Variants in SFSWAP observed in about 807,000 individuals in gnomAD.
SFSWAP encodes splicing factor, suppressor of white-apricot homolog.
SFSWAP carries 17 observed loss-of-function variants against 100.7 expected under a neutral mutation model. The ratio of observed to expected loss-of-function variants is 0.17; its 90% CI spans 0.12 to 0.25. The LOEUF is 0.25. SFSWAP is among the 10% of genes least tolerant of loss of function. The pLI, the probability that SFSWAP is intolerant of heterozygous loss-of-function variation, is 1.00. For synonymous variants in SFSWAP, 504 were observed against 510.1 expected (o/e 0.99, Z 0.16); for missense variants, 1,005 against 1,262.6 (o/e 0.80, Z 3.09).
intron 1 of SFSWAP, chr12:131,713,154 T>C (rs1213853470): frequency 2.6e-5 from 4 of 152,248 alleles, no homozygotes; most frequent in African/African-American, 4.8e-5. Context: ...TTTGTTTCTC[T>C]ACATTTGTTT....
At chr12:131,771,854 G>A (rs1473284631) in intron 13 of SFSWAP, among the ~76,000 whole-genome samples, 1 of 151,918 alleles carries the variant, frequency 6.6e-6, no homozygotes, top group African/African-American at 2.4e-5. Context: ...GTAGAGACAG[G>A]GTTTCACCAT....
chr12:131,726,923 T>G lies in SFSWAP; in HGVS notation c.833-17T>G. On this transcript the variant is annotated splice_polypyrimidine_tract_variant and intron_variant, in intron 5 of 17. Coordinates refer to ENST00000261674, the MANE Select transcript of SFSWAP (RefSeq NM_004592.4). The stretch of plus-strand genomic sequence containing the variant: ...CTCACCAAACACCAAAATCTTGAAA[T>G]GTGATTTTGATTTCAGAATCAGGAG... 2 of 1,450,090 alleles carry G rather than the reference T, an allele frequency of 1.4e-6. No homozygotes were observed. The highest frequency in any genetic ancestry group is 1.9e-6 in the Non-Finnish European group (2 of 1,039,134). The allele number at this position is 1,450,090 out of a possible 1,614,324, so 89.8% of individuals were successfully genotyped here.
At chr12:131,722,728 G>T (rs910009545) in intron 4 of SFSWAP, among the ~76,000 whole-genome samples, 2 of 149,806 alleles carry the variant, frequency 1.3e-5, no homozygotes, top group Non-Finnish European at 3.0e-5. Flanking sequence ...TGGGAGAATC[G>T]CTTGAGCCCA....
At position 131,714,518 on chromosome 12, in the gene SFSWAP, A is replaced by G. The variant is rs1268571490; in HGVS notation, c.388+278A>G. 1 of 485,228 alleles carries G rather than the reference A, an allele frequency of 2.1e-6. No homozygotes were observed. Among genetic ancestry groups the G allele is most frequent in the African/African-American group, 1.9e-5 (1 of 51,912 alleles). 30.1% of individuals were successfully genotyped at this position (485,228 alleles called of 1,614,324 possible). A position where few individuals can be genotyped will look rare whatever the true frequency, so the allele number is the denominator to read the frequency against. Reference sequence around the variant, plus strand: ...CTGTTCTTCTTTAACAGTATCGTATAAATAAAATTGATGTTCTTGTCTTTG... The same window carrying G: ...CTGTTCTTCTTTAACAGTATCGTATGAATAAAATTGATGTTCTTGTCTTTG... On this transcript the variant is annotated intron_variant, in intron 2 of 17. Coordinates refer to ENST00000261674, the MANE Select transcript of SFSWAP (RefSeq NM_004592.4). This position sits in a 1 kb window ranked among gnomAD's most constrained non-coding sequence, Gnocchi z 6.0.
At chr12:131,789,224 TGCCTATCTCA>T (rs1483063889) in intron 15 of SFSWAP, among the ~76,000 whole-genome samples, 9 of 152,158 alleles carry the variant, frequency 5.9e-5, no homozygotes, top group African/African-American at 1.9e-4. Context: ...TCAAGCAGTC[TGCCTATCTCA>T]GCCTCCCAAA....
chr12:131,763,411 T>C (rs1469326583), intron 11 of SFSWAP, among the ~76,000 whole-genome samples: 3 of 152,220 alleles, frequency 2.0e-5, no homozygotes, highest in Non-Finnish European at 4.4e-5. Flanking sequence ...TACTGTATCT[T>C]ATTGCAACCA....
chr12:131,743,477 C>G (rs1269857563), intron 7 of SFSWAP, among the ~76,000 whole-genome samples: 3 of 152,202 alleles, frequency 2.0e-5, no homozygotes, highest in Non-Finnish European at 4.4e-5. Flanking sequence ...TCATAAAGCT[C>G]CAAAATGACC....
intron 7 of SFSWAP, among the ~76,000 whole-genome samples, chr12:131,741,139 T>G (rs1880588867): frequency 6.6e-6 from 1 of 151,780 alleles, no homozygotes; most frequent in African/African-American, 2.4e-5. Flanking sequence ...GCTTGGCTAA[T>G]TTTTGTATTT....
chr12:131,756,726 C>A, intron 11 of SFSWAP, 82 bp downstream of exon 11: 2 of 1,266,858 alleles, frequency 1.6e-6, no homozygotes, highest in Non-Finnish European at 2.1e-6. Context: ...TCAGACTCAG[C>A]GCCCTCACCT....
At chr12:131,766,478 G>C (rs1178824867) in intron 13 of SFSWAP, among the ~76,000 whole-genome samples, 170 bp downstream of exon 13, 5 of 152,186 alleles carry the variant, frequency 3.3e-5, no homozygotes, top group African/African-American at 7.2e-5. Context: ...GTGAATCTAA[G>C]AGTTTGCCAG....
At chr12:131,779,027 G>A (rs1363041209) in intron 14 of SFSWAP, among the ~76,000 whole-genome samples, 2 of 151,140 alleles carry the variant, frequency 1.3e-5, no homozygotes, top group Admixed American at 1.3e-4. Context: ...CAAGACAGGA[G>A]AACTCTTTAG....
chr12:131,719,369 C>A, intron 3 of SFSWAP, 85 bp from the exon 4 acceptor site: 1 of 924,480 alleles, frequency 1.1e-6, no homozygotes, highest in South Asian at 1.4e-5. Context: ...GACAGCCAGT[C>A]ACATGCTTCC....
At chr12:131,721,368 G>A (rs1009629510) in intron 4 of SFSWAP, among the ~76,000 whole-genome samples, 1 of 152,080 alleles carries the variant, frequency 6.6e-6, no homozygotes, top group Admixed American at 6.5e-5. Context: ...ATTACCCAAA[G>A]ATTTGATATC....
intron 14 of SFSWAP, among the ~76,000 whole-genome samples, chr12:131,779,452 T>C (rs1271067992): frequency 2.0e-5 from 3 of 151,964 alleles, no homozygotes; most frequent in Non-Finnish European, 4.4e-5. Flanking sequence ...CATTTAAGAG[T>C]CACAGAATTT....
chr12:131,754,502 C>G lies in SFSWAP; in HGVS notation c.1454+3C>G. The G allele has an allele frequency of 1.3e-6, 2 of 1,560,876 alleles. No homozygotes were observed. The highest frequency in any genetic ancestry group is 1.7e-6 in the Non-Finnish European group (2 of 1,154,464). ...GTTCGTGCCAAGAATGATCAAAGGT[C>G]AGAAGAAGAATTTTATATGTTAGGT... is the stretch of plus-strand genomic sequence containing the variant. On this transcript the variant is annotated splice_donor_region_variant and intron_variant, in intron 9 of 17. Transcript: ENST00000261674.
At chr12:131,715,142 G>A (rs1454553888) in intron 3 of SFSWAP, among the ~76,000 whole-genome samples, 189 bp downstream of exon 3, 1 of 152,216 alleles carries the variant, frequency 6.6e-6, no homozygotes, top group African/African-American at 2.4e-5. Flanking sequence ...GATTAATGGA[G>A]GTGGAAAGTG....
rs1877380902 is a variant in SFSWAP at position 131,711,817 on chromosome 12, G to A, written c.218+370G>A. 1.7e-5 allele frequency: 4 copies of A among 238,668 alleles called. No individual in the cohort carries two copies. Among genetic ancestry groups the A allele is most frequent in the South Asian group, 1.1e-4 (2 of 18,786 alleles). 14.8% of individuals were successfully genotyped at this position (238,668 alleles called of 1,614,324 possible). A position where few individuals can be genotyped will look rare whatever the true frequency, so the allele number is the denominator to read the frequency against. On this transcript the variant is annotated intron_variant, in intron 1 of 17. Coordinates refer to ENST00000261674, the MANE Select transcript of SFSWAP (RefSeq NM_004592.4). This position sits in a 1 kb window ranked among gnomAD's most constrained non-coding sequence, Gnocchi z 4.9. ...GCCTGCCGCCCGGCGATGCCATGGGGTCGTGCGCTGCTTTTCTACTTGCCG... is the reference window on the plus strand; with the variant it reads ...GCCTGCCGCCCGGCGATGCCATGGGATCGTGCGCTGCTTTTCTACTTGCCG...
Position 131,786,454 on chromosome 12 carries a change from C to G in SFSWAP, c.2409-9C>G. 6.3e-7 allele frequency: 1 copy of G among 1,584,780 alleles called. No individual in the cohort carries two copies. The highest frequency in any genetic ancestry group is 8.6e-7 in the Non-Finnish European group (1 of 1,166,388). ...CACAGAGCTGAACACTGCCTCCTCCCCTGTCCAGGTCCCGCTCCCGGTCCC... is the reference window on the plus strand; with the variant it reads ...CACAGAGCTGAACACTGCCTCCTCCGCTGTCCAGGTCCCGCTCCCGGTCCC... On this transcript the variant is annotated splice_polypyrimidine_tract_variant and intron_variant, in intron 14 of 17. Transcript: ENST00000261674.
chr12:131,791,794 G>A (rs1009426183), intron 15 of SFSWAP, among the ~76,000 whole-genome samples: 2 of 152,228 alleles, frequency 1.3e-5, no homozygotes, highest in Non-Finnish European at 2.9e-5. Context: ...AATAGATGAA[G>A]GAACACTTCC....
Sources: allele counts gnomAD v4.1 joint callset (sites outside exome capture counted in the v4.1 genomes callset), GRCh38; gene constraint gnomAD v4.1.1; non-coding constraint Gnocchi (gnomAD v3.1); transcripts MANE v1.5; gene names NCBI Gene and HGNC (gene_info 2026-07-23, HGNC 2026-07-21).